The following SYCP2L variants were observed in gnomAD, a reference collection of about 807,000 sequenced individuals.
The protein encoded by SYCP2L is synaptonemal complex protein 2 like.
Under a neutral mutation model 125.8 loss-of-function variants are expected in SYCP2L, and 98 were observed. That is an observed-to-expected ratio of 0.78 (90% CI 0.66 to 0.92). The LOEUF (loss-of-function observed/expected upper bound fraction) is 0.92. SYCP2L is among the 40% of genes least tolerant of loss of function. The pLI, the probability that SYCP2L is intolerant of heterozygous loss-of-function variation, is 0.00. For missense variants in SYCP2L, 842 were observed against 936.4 expected, an observed-to-expected ratio of 0.90 and a Z score of 1.32; for synonymous variants, 317 against 325.4, an observed-to-expected ratio of 0.97 and a Z score of 0.28.
chr6:10,898,720 C>A, intron 5 of SYCP2L, 104 bp from the exon 6 acceptor site: 3 of 811,064 alleles, frequency 3.7e-6, no homozygotes, highest in South Asian at 1.5e-5. Flanking sequence ...TCTGTAAAGT[C>A]AATGCCTGCC....
chr6:10,894,120 G>A lies in SYCP2L; in HGVS notation c.252G>A (p.Leu84=), dbSNP rs1158981427. Residue 84 remains leucine (L), a synonymous_variant, in exon 4 of 30, where the codon CTG becomes CTA. Transcript: ENST00000283141. ...AAAATGAATTTCAGTCTGTGTCACT[G>A]TTGCTGAAATGTATTCAGCGATTCC... ...LDKNEFQSVS[L]LLKCIQRFLV... 6 of 1,613,540 alleles carry A rather than the reference G, an allele frequency of 3.7e-6. No individual in the cohort carries two copies. The South Asian group carries it at 5.5e-5, about 15-fold the overall frequency.
At position 10,911,022 on chromosome 6, in the gene SYCP2L, G is replaced by A. The variant is rs116459338; in HGVS notation, c.918+153G>A. 5.0e-3 allele frequency among the ~76,000 whole-genome samples: 763 copies of A among 152,122 alleles called. 5 individuals are homozygous for A. Among genetic ancestry groups the A allele is most frequent in the Middle Eastern group, 0.017 (5 of 294 alleles). On this transcript the variant is annotated intron_variant, in intron 12 of 29. Coordinates refer to ENST00000283141, the MANE Select transcript of SYCP2L (RefSeq NM_001040274.3). ...TTCTAATGACCTCAGTTCTCAAACC[G>A]ATCATACCATACCCTAACCAGAATG...
chr6:10,953,621 A>G (rs1055010492), intron 23 of SYCP2L, among the ~76,000 whole-genome samples: 1 of 152,232 alleles, frequency 6.6e-6, no homozygotes, highest in Non-Finnish European at 1.5e-5. Flanking sequence ...GGTATTCTGC[A>G]GCATTCATCT....
Position 10,928,445 on chromosome 6 carries a change from C to T in SYCP2L, c.1483C>T (p.Gln495Ter). 1 of 1,587,518 alleles carries T rather than the reference C, an allele frequency of 6.3e-7. No homozygotes were observed. The highest frequency in any genetic ancestry group is 8.6e-7 in the Non-Finnish European group (1 of 1,168,158). ...GTTCGGGGTCCCTGACTTCCCGCAA[C>T]AACCTGTGAGTACAGGGAGTGGGGC... ...PPFGVPDFPQ[Q>*]PKSHYRKHLF... The change falls in exon 18 of 30, where the codon CAA becomes TAA. Residue 495 changes from glutamine to a stop codon, truncating the protein, a stop_gained. Transcript: ENST00000283141. LOFTEE classifies it high-confidence loss of function.
In SYCP2L at chr6:10,910,820, G is replaced by T. The variant is rs368261747; in HGVS notation, c.873-4G>T. The stretch of plus-strand genomic sequence containing the variant: ...TATTTTTTTAATTGTGAGGTATTTT[G>T]CAGGGTGTATTCATTTCCGTGTATT... On this transcript the variant is annotated splice_region_variant and splice_polypyrimidine_tract_variant and intron_variant, in intron 11 of 29. Coordinates refer to ENST00000283141, the MANE Select transcript of SYCP2L (RefSeq NM_001040274.3). 256 of 1,613,732 alleles carry T rather than the reference G, an allele frequency of 1.6e-4. No individual in the cohort carries two copies. The highest frequency in any genetic ancestry group is 2.0e-4 in the Non-Finnish European group (237 of 1,179,874).
chr6:10,917,016 A>G (rs1229042443), intron 14 of SYCP2L, among the ~76,000 whole-genome samples: 1 of 152,130 alleles, frequency 6.6e-6, no homozygotes, highest in African/African-American at 2.4e-5. Flanking sequence ...TCATCATAAT[A>G]ATTTCAGTTT....
chr6:10,941,919 G>T (rs1269030820), intron 21 of SYCP2L, among the ~76,000 whole-genome samples: 1 of 151,968 alleles, frequency 6.6e-6, no homozygotes, highest in Non-Finnish European at 1.5e-5. Flanking sequence ...GTCCAACAAC[G>T]ATAGACTGGA....
chr6:10,939,837 A>C lies in SYCP2L; in HGVS notation c.1814-2622A>C, dbSNP rs535599703. The stretch of plus-strand genomic sequence containing the variant: ...TGCATACAACCCTAATAGCACAATA[A>C]ACTTTTGGGACTATGTCATACTAAA... On this transcript the variant is annotated intron_variant, in intron 21 of 29. Coordinates refer to ENST00000283141, the MANE Select transcript of SYCP2L (RefSeq NM_001040274.3). 2.0e-5 allele frequency among the ~76,000 whole-genome samples: 3 copies of C among 152,354 alleles called. 1 individual carries two copies. The East Asian group carries it at 5.8e-4, about 29-fold the overall frequency.
chr6:10,924,575 A>G lies in SYCP2L; in HGVS notation c.1152A>G (p.Glu384=). ...IISYKEVMKI[E]IHFDLQFNIS... ...GCTACAAAGAAGTCATGAAAATAGA[A>G]ATCCATTTTGATTTGCAGTTCAACA... Residue 384 remains glutamate, a synonymous_variant, in exon 15 of 30, where the codon GAA becomes GAG. Transcript: ENST00000283141. 6.2e-7 allele frequency: 1 copy of G among 1,606,612 alleles called. No individual in the cohort carries two copies. The highest frequency in any genetic ancestry group is 2.2e-5 in the East Asian group (1 of 44,542).
chr6:10,896,566 G>A (rs554041328), intron 4 of SYCP2L, among the ~76,000 whole-genome samples: 4 of 152,180 alleles, frequency 2.6e-5, no homozygotes, highest in Admixed American at 1.3e-4. Context: ...GTTCTGCTGC[G>A]TAGAGGGACA....
rs373646661 is a variant in SYCP2L, at chr6:10,961,316, T to C, written c.2267T>C (p.Leu756Pro). 6.2e-7 allele frequency: 1 copy of C among 1,614,098 alleles called. No individual in the cohort carries two copies. The highest frequency in any genetic ancestry group is 8.5e-7 in the Non-Finnish European group (1 of 1,179,952). Residue 756 changes from leucine (L) to proline (P), a missense_variant, in exon 27 of 30, where the codon CTA (leucine) becomes CCA (proline). Transcript: ENST00000283141. The part of the protein sequence containing the change: ...NQMQLFRLNK[L>P]ERFQNLVLQE... Reference sequence around the variant, plus strand: ...TTTATGTTTATTAGACTCAATAAACTAGAGCGCTTTCAAAATTTGGTTCTT... The same window carrying C: ...TTTATGTTTATTAGACTCAATAAACCAGAGCGCTTTCAAAATTTGGTTCTT...
chr6:10,955,039 C>A, intron 23 of SYCP2L, 77 bp from the exon 24 acceptor site: 1 of 981,932 alleles, frequency 1.0e-6, no homozygotes, highest in Non-Finnish European at 1.6e-6. Flanking sequence ...TGGTACTCTT[C>A]ACAGTAAGAC....
intron 21 of SYCP2L, among the ~76,000 whole-genome samples, chr6:10,942,028 A>G (rs1781231430): frequency 6.6e-6 from 1 of 151,342 alleles, no homozygotes; most frequent in African/African-American, 2.4e-5. Flanking sequence ...GCTGGAAACC[A>G]TCATTCTCAG....
At position 10,902,880 on chromosome 6, in the gene SYCP2L, G is replaced by A. The variant is rs1780403838; in HGVS notation, c.558G>A (p.Leu186=). 2 of 1,614,054 alleles carry A rather than the reference G, an allele frequency of 1.2e-6. No individual in the cohort carries two copies. Among genetic ancestry groups the A allele is most frequent in the South Asian group, 2.2e-5 (2 of 91,082 alleles). The change falls in exon 8 of 30, where the codon TTG becomes TTA. Residue 186 remains leucine (L), a synonymous_variant. Transcript: ENST00000283141. ...TVNHLLQQEG[L]KTFNCILHAV... is the part of the protein sequence containing the mutation. ...GTCTTCTCAATTCCAAAAAGGGCTT[G>A]AAGACTTTTAACTGCATTTTGCACG...
rs78143379 is a variant in SYCP2L at position 10,889,567 on chromosome 6, C to G, written c.10-1946C>G. Among the ~76,000 whole-genome samples the G allele has an allele frequency of 5.4e-3, 814 of 151,042 alleles. 10 individuals are homozygous for G. Among genetic ancestry groups the G allele is most frequent in the African/African-American group, 0.018 (751 of 41,096 alleles). ...CATTAACTAACCTCTGCCTATCTCA[C>G]TTCCTCTTTTCTAGTGACCACTATT... On this transcript the variant is annotated intron_variant, in intron 1 of 29. Coordinates refer to ENST00000283141, the MANE Select transcript of SYCP2L (RefSeq NM_001040274.3).
At chr6:10,888,978 C>T (rs1263206716) in intron 1 of SYCP2L, among the ~76,000 whole-genome samples, 1 of 152,134 alleles carries the variant, frequency 6.6e-6, no homozygotes, top group Non-Finnish European at 1.5e-5. Context: ...TCTCCTTCCT[C>T]AGCCTCACGA....
At chr6:10,898,392 A>G (rs966688086) in intron 5 of SYCP2L, among the ~76,000 whole-genome samples, 3 of 151,972 alleles carry the variant, frequency 2.0e-5, no homozygotes, top group African/African-American at 4.8e-5. Flanking sequence ...GGGCGCCTGT[A>G]ATTTCAGCTA....
intron 4 of SYCP2L, among the ~76,000 whole-genome samples, chr6:10,895,154 C>A (rs544844261): frequency 1.3e-5 from 2 of 152,152 alleles, no homozygotes; most frequent in Non-Finnish European, 2.9e-5. Flanking sequence ...CCTGTTGATA[C>A]GCCAACTTCT....
intron 6 of SYCP2L, 46 bp from the exon 7 acceptor site, chr6:10,902,631 T>C: frequency 6.5e-7 from 1 of 1,547,426 alleles, no homozygotes; most frequent in Non-Finnish European, 8.9e-7. Context: ...AGTCATTTTC[T>C]TACTCTTCCA....
Sources: gnomAD v4.1 joint callset for allele counts (sites outside exome capture counted in the v4.1 genomes callset) on GRCh38, gnomAD v4.1.1 for gene constraint, MANE v1.5 for transcripts, NCBI Gene and HGNC (gene_info 2026-07-23, HGNC 2026-07-21) for gene names.